The following GLIS1 variants were observed in gnomAD, a reference collection of about 807,000 sequenced individuals.
GLIS1 encodes GLIS family zinc finger 1.
A neutral mutation model predicts 63.8 loss-of-function variants in GLIS1; 24 were observed. The ratio of observed to expected loss-of-function variants is 0.38; its 90% CI spans 0.27 to 0.53. The LOEUF (loss-of-function observed/expected upper bound fraction) is 0.53, where lower values mean the gene tolerates loss of function less well. Among genes scored for constraint, GLIS1 ranks in the 20% least tolerant of loss-of-function variants. The pLI is 0.85. For synonymous variants in GLIS1, 450 were observed against 482.5 expected (o/e 0.93, Z 0.88); for missense variants, 1,036 against 1,074.1 (o/e 0.96, Z 0.50).
At chr1:53,559,740 C>T (rs764370731) in intron 4 of GLIS1, among the ~76,000 whole-genome samples, 10 of 152,184 alleles carry the variant, frequency 6.6e-5, no homozygotes, top group Admixed American at 3.3e-4. Flanking sequence ...CCGCCATGCA[C>T]GGGAGGGAGC....
At chr1:53,679,956 C>T (rs570111627) in intron 2 of GLIS1, among the ~76,000 whole-genome samples, 1 of 152,282 alleles carries the variant, frequency 6.6e-6, no homozygotes, top group South Asian at 2.1e-4. Context: ...CTGTGGCACC[C>T]AGGGTGCCCC....
intron 2 of GLIS1, among the ~76,000 whole-genome samples, chr1:53,612,042 A>AG (rs1645429452): frequency 1.3e-5 from 2 of 151,882 alleles, no homozygotes; most frequent in South Asian, 4.2e-4. Context: ...TATATTGCCC[A>AG]GGGGGTCTCA....
intron 4 of GLIS1, among the ~76,000 whole-genome samples, chr1:53,576,080 C>T (rs1645029610): frequency 6.6e-6 from 1 of 152,070 alleles, no homozygotes; most frequent in East Asian, 1.9e-4. Context: ...GCCCACCGCC[C>T]CTTTCCTACC....
rs1335110062 is a variant in GLIS1, at chr1:53,539,507, C to A, written c.1321-9555G>T. Among the ~76,000 whole-genome samples the A allele has an allele frequency of 7.7e-6, 1 of 129,718 alleles. No individual in the cohort carries two copies. Among genetic ancestry groups the A allele is most frequent in the Non-Finnish European group, 1.7e-5 (1 of 59,176 alleles). The allele number at this position is 129,718 out of a possible 152,430, so 85.1% of individuals were successfully genotyped here. ...ACACACGTACCACACCCCCAACATA[C>A]ACACACCACACCACACACACACATA... On this transcript the variant is annotated intron_variant, in intron 4 of 10. Transcript: ENST00000628545. This position sits in a 1 kb window ranked among gnomAD's most constrained non-coding sequence, Gnocchi z 5.0.
intron 2 of GLIS1, among the ~76,000 whole-genome samples, chr1:53,650,731 C>T (rs1468384850): frequency 5.3e-5 from 8 of 152,132 alleles, no homozygotes; most frequent in East Asian, 1.9e-4. Flanking sequence ...GGCAGGTCTC[C>T]GGTAATTACA....
intron 7 of GLIS1, among the ~76,000 whole-genome samples, chr1:53,516,802 C>CAAAAAA: frequency 7.1e-6 from 1 of 140,584 alleles, no homozygotes; most frequent in African/African-American, 2.6e-5. Context: ...GACTCCATCT[C>CAAAAAA]AAAAAAAAAA....
intron 8 of GLIS1, among the ~76,000 whole-genome samples, chr1:53,513,557 T>TCCCTGACACCCTCCTGGCAGCCACAC (rs1326619446): frequency 4.6e-5 from 7 of 152,130 alleles, no homozygotes; most frequent in Non-Finnish European, 7.4e-5. Flanking sequence ...CAGGAAGCCT[T>TCCCTGACACCCTCCTGGCAGCCACAC]CCCTGACACC....
In GLIS1 at chr1:53,539,259, C is replaced by T. The variant is rs1177450987; in HGVS notation, c.1321-9307G>A. 6.3e-5 allele frequency among the ~76,000 whole-genome samples: 9 copies of T among 143,732 alleles called. No homozygotes were observed. In the South Asian group the frequency reaches 9.3e-4, roughly 15 times the overall value. 94.3% of individuals were successfully genotyped at this position (143,732 alleles called of 152,430 possible). A position where few individuals can be genotyped will look rare whatever the true frequency, so the allele number is the denominator to read the frequency against. On this transcript the variant is annotated intron_variant, in intron 4 of 10. Transcript: ENST00000628545. This position sits in a 1 kb window ranked among gnomAD's most constrained non-coding sequence, Gnocchi z 5.0. ...ACACATGGATTCACACACACACACA[C>T]ACCAAGACCCAGAAACTCCCTCACA...
chr1:53,530,181 A>G (rs969829297), intron 4 of GLIS1, among the ~76,000 whole-genome samples: 5 of 152,192 alleles, frequency 3.3e-5, no homozygotes, highest in African/African-American at 1.2e-4. Context: ...ATAGGGCGTG[A>G]GGGCTGGAGA....
At chr1:53,599,579 A>T (rs77450070) in intron 3 of GLIS1, among the ~76,000 whole-genome samples, 1 of 152,258 alleles carries the variant, frequency 6.6e-6, no homozygotes, top group Non-Finnish European at 1.5e-5. Context: ...GACTAAGACA[A>T]AGGCACAACT....
chr1:53,544,399 T>C (rs1644677415), intron 4 of GLIS1, among the ~76,000 whole-genome samples: 1 of 152,162 alleles, frequency 6.6e-6, no homozygotes, highest in African/African-American at 2.4e-5. Flanking sequence ...GGCAGCTCAC[T>C]TGCCAGGGCA....
At chr1:53,708,787 C>T (rs1417210060) in intron 2 of GLIS1, among the ~76,000 whole-genome samples, 2 of 152,158 alleles carry the variant, frequency 1.3e-5, no homozygotes, top group African/African-American at 4.8e-5. Context: ...GGATAAAGTG[C>T]ACTCCATCCG....
chr1:53,519,298 C>G (rs1644383129), intron 7 of GLIS1, among the ~76,000 whole-genome samples: 1 of 152,322 alleles, frequency 6.6e-6, no homozygotes, highest in East Asian at 1.9e-4. Context: ...CCTTGTGGAC[C>G]TGCCTGAGCA....
chr1:53,589,508 C>T (rs1645167872), intron 4 of GLIS1, among the ~76,000 whole-genome samples: 1 of 152,210 alleles, frequency 6.6e-6, no homozygotes. Flanking sequence ...GGGCAAGGCC[C>T]TCCCGGCAGG....
chr1:53,523,697 A>G (rs1293491447), intron 6 of GLIS1, among the ~76,000 whole-genome samples: 1 of 152,146 alleles, frequency 6.6e-6, no homozygotes, highest in East Asian at 1.9e-4. Flanking sequence ...CTCTGCCCCC[A>G]GCTGCAGTCC....
chr1:53,635,166 G>T (rs543932713), intron 2 of GLIS1, among the ~76,000 whole-genome samples: 1 of 152,224 alleles, frequency 6.6e-6, no homozygotes, highest in African/African-American at 2.4e-5. Flanking sequence ...AAGGGAGAAC[G>T]GCAGGAGCAG....
chr1:53,529,993 G>A (rs750793898), intron 4 of GLIS1, 41 bp from the exon 5 acceptor site: 2 of 1,595,018 alleles, frequency 1.3e-6, no homozygotes, highest in Admixed American at 1.7e-5. Flanking sequence ...AGCCCGGTGG[G>A]CACCCCAACC....
At chr1:53,624,074 A>T (rs1380375373) in intron 2 of GLIS1, among the ~76,000 whole-genome samples, 2 of 152,232 alleles carry the variant, frequency 1.3e-5, no homozygotes, top group Admixed American at 6.5e-5. Flanking sequence ...AATATTAGAG[A>T]TCTAGAATAG....
chr1:53,672,711 C>T (rs906670993), intron 2 of GLIS1, among the ~76,000 whole-genome samples: 3 of 152,240 alleles, frequency 2.0e-5, no homozygotes, highest in South Asian at 2.1e-4. Flanking sequence ...GCCTCTGATG[C>T]TTTGTTTGAC....
Sources: gnomAD v4.1 joint callset for allele counts (sites outside exome capture counted in the v4.1 genomes callset) on GRCh38, gnomAD v4.1.1 for gene constraint, Gnocchi (gnomAD v3.1) non-coding constraint, MANE v1.5 for transcripts, NCBI Gene and HGNC (gene_info 2026-07-23, HGNC 2026-07-21) for gene names.